The following ATXN3 variants were observed in gnomAD, a reference collection of about 807,000 sequenced individuals.
The protein encoded by ATXN3 is ataxin-3.
Under a neutral mutation model 58.2 loss-of-function variants are expected in ATXN3, and 28 were observed. That is an observed-to-expected ratio of 0.48 (90% CI 0.36 to 0.66). The LOEUF is 0.66. Among genes scored for constraint, ATXN3 ranks in the 30% least tolerant of loss-of-function variants. ATXN3 has a pLI of 0.00. For synonymous variants in ATXN3, 113 were observed against 138.5 expected, an observed-to-expected ratio of 0.82 and a Z score of 1.29; for missense variants, 321 against 422.1, an observed-to-expected ratio of 0.76 and a Z score of 2.10.
intron 1 of ATXN3, among the ~76,000 whole-genome samples, chr14:92,101,994 A>T (rs904210409): frequency 3.3e-5 from 5 of 152,118 alleles, no homozygotes; most frequent in African/African-American, 1.2e-4. Flanking sequence ...CTCTACTAAA[A>T]ATAAGAAAAT....
intron 1 of ATXN3, among the ~76,000 whole-genome samples, chr14:92,103,123 A>AC (rs1370785038): frequency 2.7e-5 from 4 of 150,724 alleles, no homozygotes; most frequent in Non-Finnish European, 5.9e-5. Context: ...AAAAAAAAAA[A>AC]AAAACAAAGC....
chr14:92,054,939 T>A (rs539529716), downstream of ATXN3, among the ~76,000 whole-genome samples: 1 of 152,340 alleles, frequency 6.6e-6, no homozygotes, highest in Non-Finnish European at 1.5e-5. Context: ...TGGAGTGCAG[T>A]GGCGTGATCT....
chr14:92,093,917 T>C, intron 3 of ATXN3, 86 bp from the exon 4 acceptor site: 2 of 771,352 alleles, frequency 2.6e-6, no homozygotes, highest in South Asian at 1.6e-5. Flanking sequence ...GTGTACTTCA[T>C]ATATAAATTT....
chr14:92,060,270 A>ACACACATATATATATATATATATTTTT lies in ATXN3; in HGVS notation c.*4049_*4050insAAAAATATATATATATATATATGTGTG, dbSNP rs2057680565. 6 of 117,418 alleles carry ACACACATATATATATATATATATTTTT rather than the reference A, an allele frequency of 5.1e-5. No homozygotes were observed. The highest frequency in any genetic ancestry group is 2.1e-4 in the African/African-American group (6 of 28,292). The allele number at this position is 117,418 out of a possible 1,614,324, so 7.3% of individuals were successfully genotyped here. A position where few individuals can be genotyped will look rare whatever the true frequency, so the allele number is the denominator to read the frequency against. On this transcript the variant is annotated 3_prime_UTR_variant, in exon 11 of 11. Coordinates refer to ENST00000644486, the MANE Select transcript of ATXN3 (RefSeq NM_004993.6). ...CACACATATATATATATATATATAT[A>ACACACATATATATATATATATATTTTT]TTTTTTTTTTTCAGAAACAGTGTCT...
At chr14:92,050,143 C>CGTGTGTGTGTGTGT (rs35730721), upstream of ATXN3, among the ~76,000 whole-genome samples, 17 of 147,590 alleles carry the variant, frequency 1.2e-4, no homozygotes, top group African/African-American at 3.7e-4. Flanking sequence ...ACTTTGCTCT[C>CGTGTGTGTGTGTGT]GTGTGTGTGT....
chr14:92,089,660 C>T (rs1454528102), intron 5 of ATXN3, among the ~76,000 whole-genome samples: 1 of 152,030 alleles, frequency 6.6e-6, no homozygotes, highest in East Asian at 1.9e-4. Flanking sequence ...TTTTTAAAAA[C>T]AACAGTTTGC....
At chr14:92,070,711 G>T in intron 10 of ATXN3, 4 of 1,218,892 alleles carry the variant, frequency 3.3e-6, no homozygotes, top group Non-Finnish European at 4.4e-6. Context: ...TTCCCAAAGT[G>T]CTGGGATTAC....
intron 9 of ATXN3, chr14:92,080,462 A>G (rs1250438583): frequency 3.3e-5 from 5 of 153,340 alleles, no homozygotes; most frequent in African/African-American, 1.2e-4. Context: ...AGTTTAAAAA[A>G]TTTATCCAGT....
intron 3 of ATXN3, 149 bp downstream of exon 3, chr14:92,095,944 G>GA (rs901702928): frequency 8.3e-3 from 5,136 of 615,130 alleles, no homozygotes; most frequent in South Asian, 0.013. Context: ...TCTGTCTCAA[G>GA]AAAAAAAAAA....
chr14:92,072,992 C>T (rs1189471989), intron 9 of ATXN3, among the ~76,000 whole-genome samples: 3 of 152,138 alleles, frequency 2.0e-5, no homozygotes, highest in African/African-American at 4.8e-5. Flanking sequence ...TAATGATGCA[C>T]GTAAGGGCAG....
intron 1 of ATXN3, among the ~76,000 whole-genome samples, chr14:92,099,559 T>A (rs935420185): frequency 2.0e-5 from 3 of 152,222 alleles, no homozygotes; most frequent in African/African-American, 7.2e-5. Context: ...ACAGATGTTC[T>A]ACTTATATCC....
chr14:92,091,170 G>C (rs916552641), intron 5 of ATXN3, among the ~76,000 whole-genome samples: 2 of 151,894 alleles, frequency 1.3e-5, no homozygotes, highest in African/African-American at 4.8e-5. Flanking sequence ...CCAACTTAGG[G>C]CTCGGCATGG....
At chr14:92,076,244 G>A (rs55948797) in intron 9 of ATXN3, among the ~76,000 whole-genome samples, 3 of 151,972 alleles carry the variant, frequency 2.0e-5, no homozygotes, top group East Asian at 1.9e-4. Context: ...TCAGGAGTTC[G>A]AGACCAGTCT....
At chr14:92,096,911 T>TA in intron 1 of ATXN3, 73 bp from the exon 2 acceptor site, 1 of 453,128 alleles carries the variant, frequency 2.2e-6, no homozygotes, top group Non-Finnish European at 3.0e-6. Flanking sequence ...CCCTAAATAA[T>TA]TTTTTTTTTT....
intron 6 of ATXN3, among the ~76,000 whole-genome samples, chr14:92,087,842 T>C (rs2062930107): frequency 6.6e-6 from 1 of 152,168 alleles, no homozygotes; most frequent in African/African-American, 2.4e-5. Flanking sequence ...GATTTGACAG[T>C]GGTTATGATT....
downstream of ATXN3, among the ~76,000 whole-genome samples, chr14:92,055,833 C>T (rs752715497): frequency 5.3e-5 from 8 of 152,162 alleles, no homozygotes; most frequent in East Asian, 3.9e-4. This position sits in a 1 kb window ranked among gnomAD's most constrained non-coding sequence, Gnocchi z 4.5. Flanking sequence ...TGGTGGCCTG[C>T]GCCTATAATC....
chr14:92,078,767 A>G (rs1294656452), intron 9 of ATXN3, among the ~76,000 whole-genome samples: 1 of 152,240 alleles, frequency 6.6e-6, no homozygotes, highest in African/African-American at 2.4e-5. Flanking sequence ...GTTAAAAATA[A>G]AGCTAATATA....
At chr14:92,051,796 C>A (rs994637173), upstream of ATXN3, among the ~76,000 whole-genome samples, 1 of 118,500 alleles carries the variant, frequency 8.4e-6, no homozygotes, top group African/African-American at 3.2e-5. Context: ...GGCATGATCT[C>A]GGCTCACTGC....
At chr14:92,082,135 G>C (rs2061582054) in intron 8 of ATXN3, among the ~76,000 whole-genome samples, 165 bp downstream of exon 8, 1 of 152,176 alleles carries the variant, frequency 6.6e-6, no homozygotes, top group Admixed American at 6.5e-5. Flanking sequence ...GTTGTAAAAA[G>C]TGATTTCCAT....
Sources: gnomAD v4.1 joint callset for allele counts (sites outside exome capture counted in the v4.1 genomes callset) on GRCh38, gnomAD v4.1.1 for gene constraint, Gnocchi (gnomAD v3.1) non-coding constraint, MANE v1.5 for transcripts, NCBI Gene and HGNC (gene_info 2026-07-23, HGNC 2026-07-21) for gene names.